The following HELZ variants were observed in gnomAD, a reference collection of about 807,000 sequenced individuals.
HELZ encodes the protein helicase with zinc finger.
In HELZ, 23 loss-of-function variants were observed where a neutral mutation model predicts 218.2. That is an observed-to-expected ratio of 0.11 (90% CI 0.08 to 0.15). The LOEUF is 0.15. Among genes scored for constraint, HELZ ranks in the 10% least tolerant of loss-of-function variants. The pLI, the probability that HELZ is intolerant of heterozygous loss-of-function variation, is 1.00. For synonymous variants in HELZ, 814 were observed against 829.4 expected (o/e 0.98, Z 0.32); for missense variants, 1,813 against 2,353.7 (o/e 0.77, Z 4.75).
At position 67,151,097 on chromosome 17, in the gene HELZ, C is replaced by A; in HGVS notation, c.2305G>T (p.Val769Phe). The change falls in exon 18 of 33, where the codon GTT becomes TTT. Residue 769 changes from valine (V) to phenylalanine (F), a missense_variant. This residue lies in a region of HELZ where 714 missense variants were observed against 1,029.2 expected (regional missense o/e 0.69). Transcript: ENST00000358691. ...TACTGGGAAGTATTCAAGGTAACAACCACCACTCGATGTTTAAGAATATCT... is the reference window on the plus strand; with the variant it reads ...TACTGGGAAGTATTCAAGGTAACAAACACCACTCGATGTTTAAGAATATCT... ...KEDILKHRVV[V>F]VTLNTSQYLC... 1.2e-6 allele frequency: 2 copies of A among 1,614,016 alleles called. No homozygotes were observed. The highest frequency in any genetic ancestry group is 1.7e-6 in the Non-Finnish European group (2 of 1,179,902).
chr17:67,161,104 C>T (rs769038886), intron 15 of HELZ, 28 bp from the exon 16 acceptor site: 1 of 1,522,322 alleles, frequency 6.6e-7, no homozygotes, highest in Non-Finnish European at 9.0e-7. Flanking sequence ...TTATGTTAAA[C>T]ACATGCATCT....
At chr17:67,129,768 T>G (rs987990364) in intron 23 of HELZ, among the ~76,000 whole-genome samples, 15 of 152,274 alleles carry the variant, frequency 9.9e-5, no homozygotes, top group African/African-American at 3.4e-4. Flanking sequence ...TTTCTAGGTT[T>G]GAAAATTGAT....
rs369159547 is a variant in HELZ at position 67,228,378 on chromosome 17, G to A, written c.-18-9556C>T. On this transcript the variant is annotated intron_variant, in intron 3 of 32. Transcript: ENST00000358691. ...AATTCTTCTAATTGCTTTCCTTGTG[G>A]AAATTCGGTTACTAACCTGAAACTA... Among the ~76,000 whole-genome samples the A allele has an allele frequency of 2.8e-4, 42 of 152,272 alleles. No individual in the cohort carries two copies. In the Middle Eastern group the frequency reaches 0.01, roughly 37 times the overall value.
At chr17:67,127,157 AG>A (rs898132228) in intron 24 of HELZ, among the ~76,000 whole-genome samples, 9 of 152,138 alleles carry the variant, frequency 5.9e-5, no homozygotes, top group African/African-American at 2.2e-4. Context: ...CTTCTGAACA[AG>A]ATCTCCTTGG....
intron 12 of HELZ, among the ~76,000 whole-genome samples, chr17:67,185,250 TAAAC>T (rs2039722760): frequency 1.3e-5 from 2 of 152,230 alleles, no homozygotes; most frequent in South Asian, 4.1e-4. Flanking sequence ...TAATTTCACA[TAAAC>T]AAATTGTTTG....
chr17:67,089,609 AT>A (rs2036497933), intron 31 of HELZ, among the ~76,000 whole-genome samples: 1 of 146,952 alleles, frequency 6.8e-6, no homozygotes. Context: ...AAACTGGAAA[AT>A]TTTTTAATGC....
At chr17:67,126,922 T>G (rs137997359) in intron 24 of HELZ, among the ~76,000 whole-genome samples, 1 of 152,216 alleles carries the variant, frequency 6.6e-6, no homozygotes. Context: ...ATGAAAGTCA[T>G]GTCCCCTGTT....
At position 67,126,932 on chromosome 17, in the gene HELZ, T is replaced by C. The variant is rs192506213; in HGVS notation, c.3387+1719A>G. 1.1e-4 allele frequency among the ~76,000 whole-genome samples: 17 copies of C among 152,336 alleles called. No homozygotes were observed. The East Asian group carries it at 3.3e-3, about 29-fold the overall frequency. ...TATGTATGAAAGTCATGTCCCCTGT[T>C]CTCTTATACCGGGAGTCTTTTGTAA... On this transcript the variant is annotated intron_variant, in intron 24 of 32. Transcript: ENST00000358691.
At chr17:67,216,854 T>C (rs1485573300) in intron 4 of HELZ, among the ~76,000 whole-genome samples, 3 of 149,134 alleles carry the variant, frequency 2.0e-5, no homozygotes, top group African/African-American at 5.2e-5. Flanking sequence ...CCAGGACTCC[T>C]TCCTCTCACA....
In HELZ at chr17:67,078,387, G is replaced by A. The variant is rs765492346; in HGVS notation, c.5694C>T (p.Ser1898=). The A allele has an allele frequency of 3.1e-5, 50 of 1,608,216 alleles. No individual in the cohort carries two copies. The highest frequency in any genetic ancestry group is 2.7e-4 in the East Asian group (12 of 44,842). Residue 1898 remains serine, a synonymous_variant, in exon 33 of 33, where the codon AGC becomes AGT. Coordinates refer to ENST00000358691, the MANE Select transcript of HELZ (RefSeq NM_014877.4). ...TGGGCTTTGGAGGGGCCCGCAGAGC[G>A]CTGGCATAGGACATGGCGGGCTTGC... ...AGGKPAMSYA[S]ALRAPPKPRP... is the part of the protein sequence containing the mutation.
In HELZ at chr17:67,167,640, G is replaced by C; in HGVS notation, c.1587C>G (p.Thr529=). 6.2e-7 allele frequency: 1 copy of C among 1,614,050 alleles called. No homozygotes were observed. Residue 529 remains threonine (T), a synonymous_variant, in exon 14 of 33, where the codon ACC becomes ACG. Transcript: ENST00000358691. ...GTAATAAATAAACAGCATTGACTTT[G>C]GTCATCACCAGTCGTCCAGCCAAAG... The part of the protein sequence containing the change: ...EDTLAGRLVM[T]KVNAVYLLPV...
At chr17:67,229,696 G>A (rs1418982210) in intron 3 of HELZ, among the ~76,000 whole-genome samples, 3 of 152,108 alleles carry the variant, frequency 2.0e-5, no homozygotes, top group African/African-American at 4.8e-5. Flanking sequence ...GTCACAAAGA[G>A]GCATGTTTTA....
rs968499145 is a variant in HELZ at position 67,122,978 on chromosome 17, G to T, written c.3622C>A (p.Pro1208Thr). The change falls in exon 26 of 33, where the codon CCT becomes ACT. Residue 1208 changes from proline to threonine, a missense_variant. Coordinates refer to ENST00000358691, the MANE Select transcript of HELZ (RefSeq NM_014877.4). ...VYGGNVVMSV[P>T]LPVPWTGYQG... ...TTCGAATGTCCACTTACAGGTAAAG[G>T]CACCGACATAACTACATTCCCTCCA... is the stretch of plus-strand genomic sequence containing the variant. 1.9e-6 allele frequency: 3 copies of T among 1,606,018 alleles called. No individual in the cohort carries two copies. The highest frequency in any genetic ancestry group is 2.6e-6 in the Non-Finnish European group (3 of 1,173,328).
At chr17:67,182,712 G>A (rs949076159) in intron 12 of HELZ, among the ~76,000 whole-genome samples, 1 of 152,084 alleles carries the variant, frequency 6.6e-6, no homozygotes, top group East Asian at 1.9e-4. Context: ...AAGGGGTTCC[G>A]CTATCAAAAA....
intron 17 of HELZ, among the ~76,000 whole-genome samples, chr17:67,158,825 A>T (rs1047004970): frequency 6.6e-6 from 1 of 152,130 alleles, no homozygotes; most frequent in Non-Finnish European, 1.5e-5. Context: ...ACCTCCAAAA[A>T]ATAATTTTAC....
At chr17:67,237,988 C>CA (rs796850668) in intron 3 of HELZ, among the ~76,000 whole-genome samples, 1,093 of 86,994 alleles carry the variant, frequency 0.013, 4 homozygotes, top group African/African-American at 0.02. Context: ...GACTCCATCT[C>CA]AAAAAAAAAA....
At chr17:67,148,795 T>C (rs567031042) in intron 19 of HELZ, 81 bp from the exon 20 acceptor site, 22 of 1,310,720 alleles carry the variant, frequency 1.7e-5, no homozygotes, top group Non-Finnish European at 2.1e-6. Context: ...AAATCCACTA[T>C]GCTAAAACTT....
chr17:67,149,961 T>C lies in HELZ; in HGVS notation c.2381A>G (p.Asp794Gly). The C allele has an allele frequency of 6.2e-7, 1 of 1,610,340 alleles. No homozygotes were observed. Among genetic ancestry groups the C allele is most frequent in the Non-Finnish European group, 8.5e-7 (1 of 1,177,938 alleles). The change falls in exon 19 of 33, where the codon GAT (aspartate) becomes GGT (glycine). Residue 794 changes from aspartate to glycine, a missense_variant. Asp to Gly is a moderately conservative substitution (Grantham distance 94). Around this residue, in one of 4 missense-constraint regions of HELZ, gnomAD observed 714 missense variants for 1,029.2 expected, o/e 0.69. Coordinates refer to ENST00000358691, the MANE Select transcript of HELZ (RefSeq NM_014877.4). ...EPGFFTHILL[D>G]EAAQAMECET... ...ACACTCCATGGCCTGGGCAGCTTCA[T>C]CTAATAGAATGTGTGTAAAAAACCC...
At chr17:67,104,447 AAAC>A in intron 31 of HELZ, among the ~76,000 whole-genome samples, 2 of 151,836 alleles carry the variant, frequency 1.3e-5, no homozygotes, top group Non-Finnish European at 1.5e-5. Context: ...TCAAAAAAAA[AAAC>A]AAACAACTAT....
Sources: allele counts gnomAD v4.1 joint callset (sites outside exome capture counted in the v4.1 genomes callset), GRCh38; gene constraint gnomAD v4.1.1; regional missense constraint gnomAD v4.1.1; transcripts MANE v1.5; gene names NCBI Gene and HGNC (gene_info 2026-07-23, HGNC 2026-07-21).